Variants in KCNMA1 observed in about 807,000 individuals in gnomAD.
The protein encoded by KCNMA1 is potassium calcium-activated channel subfamily M alpha 1.
In KCNMA1, 29 loss-of-function variants were observed where a neutral mutation model predicts 140.0. The observed-to-expected ratio is 0.21, with a 90% CI of 0.15 to 0.28. The LOEUF (loss-of-function observed/expected upper bound fraction) is 0.28, where lower values mean the gene tolerates loss of function less well. KCNMA1 is among the 10% of genes least tolerant of loss of function. KCNMA1 has a pLI of 1.00. For synonymous variants in KCNMA1, 612 were observed against 611.9 expected (o/e 1.00, Z 0.00); for missense variants, 880 against 1,602.2 (o/e 0.55, Z 7.70).
chr10:77,488,613 C>G (rs1396666077), intron 1 of KCNMA1, among the ~76,000 whole-genome samples: 1 of 152,188 alleles, frequency 6.6e-6, no homozygotes, highest in South Asian at 2.1e-4. Flanking sequence ...GTGCACAGCC[C>G]TGCCCATCAT....
At chr10:77,295,142 G>A (rs1306121601) in intron 2 of KCNMA1, among the ~76,000 whole-genome samples, 1 of 151,656 alleles carries the variant, frequency 6.6e-6, no homozygotes, top group East Asian at 2.0e-4. Flanking sequence ...GAGGACAGGA[G>A]TTCAAGACCA....
intron 5 of KCNMA1, among the ~76,000 whole-genome samples, chr10:77,169,605 G>A (rs1238085457): frequency 1.3e-5 from 2 of 151,920 alleles, no homozygotes; most frequent in African/African-American, 4.8e-5. Context: ...TGTTGCCTAG[G>A]CTGGCCTCAA....
chr10:77,572,319 C>T (rs566993007), intron 1 of KCNMA1, among the ~76,000 whole-genome samples: 14 of 151,822 alleles, frequency 9.2e-5, no homozygotes, highest in Admixed American at 2.6e-4. Flanking sequence ...CAGAAGGCTT[C>T]ATAGCCATCA....
intron 1 of KCNMA1, among the ~76,000 whole-genome samples, chr10:77,526,802 T>C (rs528842491): frequency 6.6e-6 from 1 of 152,236 alleles, no homozygotes; most frequent in Admixed American, 6.5e-5. Context: ...AAAATAACAG[T>C]AGACATGGGT....
At chr10:77,335,040 A>T (rs1423401458) in intron 2 of KCNMA1, among the ~76,000 whole-genome samples, 1 of 152,052 alleles carries the variant, frequency 6.6e-6, no homozygotes. Context: ...AGACTAAAGG[A>T]TTTTCAGAGT....
intron 2 of KCNMA1, among the ~76,000 whole-genome samples, chr10:77,293,116 C>A (rs1230790447): frequency 2.0e-5 from 3 of 152,106 alleles, no homozygotes; most frequent in Admixed American, 6.5e-5. Flanking sequence ...CTCCAGAAGC[C>A]AATGTGGCCA....
chr10:77,050,602 A>T (rs1203176882), intron 14 of KCNMA1, among the ~76,000 whole-genome samples: 1 of 152,222 alleles, frequency 6.6e-6, no homozygotes. Flanking sequence ...GGCAAAATCC[A>T]GTTTCTCATG....
chr10:77,134,774 G>A (rs2097950680), intron 5 of KCNMA1, among the ~76,000 whole-genome samples: 2 of 151,870 alleles, frequency 1.3e-5, no homozygotes, highest in African/African-American at 4.8e-5. Flanking sequence ...CAAGGCAGGT[G>A]GATCACAAGA....
At chr10:77,282,770 C>G (rs1054359952) in intron 2 of KCNMA1, among the ~76,000 whole-genome samples, 1 of 140,844 alleles carries the variant, frequency 7.1e-6, no homozygotes, top group East Asian at 1.9e-4. Context: ...CTCTGTAGTC[C>G]CAGCTACTCA....
chr10:76,981,012 A>G (rs1358859783), intron 19 of KCNMA1, among the ~76,000 whole-genome samples: 1 of 152,188 alleles, frequency 6.6e-6, no homozygotes, highest in Non-Finnish European at 1.5e-5. Flanking sequence ...TGTGAAAAGC[A>G]CTTAAAAGAA....
intron 1 of KCNMA1, among the ~76,000 whole-genome samples, chr10:77,438,783 C>A (rs544447653): frequency 3.9e-5 from 6 of 152,136 alleles, no homozygotes; most frequent in Admixed American, 3.3e-4. Context: ...AAATTTCAAA[C>A]AAGGCCGAGT....
At chr10:77,322,101 T>C (rs1249855968) in intron 2 of KCNMA1, among the ~76,000 whole-genome samples, 1 of 152,218 alleles carries the variant, frequency 6.6e-6, no homozygotes, top group African/African-American at 2.4e-5. Context: ...TTGTATCTTG[T>C]GGTCTACAAT....
At chr10:77,245,800 G>C (rs1474975193) in intron 3 of KCNMA1, among the ~76,000 whole-genome samples, 1 of 152,100 alleles carries the variant, frequency 6.6e-6, no homozygotes, top group East Asian at 1.9e-4. Context: ...GACACCCCTA[G>C]GTGGTGGAAG....
intron 7 of KCNMA1, 76 bp downstream of exon 7, chr10:77,112,291 T>C: frequency 2.9e-6 from 3 of 1,035,716 alleles, no homozygotes; most frequent in Non-Finnish European, 4.6e-6. Flanking sequence ...GCAAGATAAA[T>C]TTTAGGTAAT....
chr10:77,025,279 T>TATATATATAC (rs1555137436), intron 16 of KCNMA1, among the ~76,000 whole-genome samples: 1 of 132,392 alleles, frequency 7.6e-6, no homozygotes, highest in South Asian at 2.5e-4. Context: ...TATATATATA[T>TATATATATAC]ATACACACAC....
chr10:77,381,123 C>A, intron 2 of KCNMA1, among the ~76,000 whole-genome samples: 1 of 152,108 alleles, frequency 6.6e-6, no homozygotes, highest in East Asian at 1.9e-4. Flanking sequence ...CTCATCCATT[C>A]GTTCAACAGA....
intron 9 of KCNMA1, among the ~76,000 whole-genome samples, chr10:77,096,570 A>G (rs764611472): frequency 2.6e-5 from 4 of 152,232 alleles, no homozygotes; most frequent in Non-Finnish European, 5.9e-5. Flanking sequence ...CGCTCTAGGA[A>G]GACAATGTAA....
intron 5 of KCNMA1, among the ~76,000 whole-genome samples, chr10:77,173,935 A>C (rs2154106103): frequency 6.6e-6 from 1 of 152,282 alleles, no homozygotes; most frequent in East Asian, 1.9e-4. Flanking sequence ...ATAGGAGTTC[A>C]AAGTGAGCCT....
chr10:77,344,644 T>A (rs975416805), intron 2 of KCNMA1, among the ~76,000 whole-genome samples: 1 of 152,166 alleles, frequency 6.6e-6, no homozygotes, highest in Non-Finnish European at 1.5e-5. Context: ...AACAGGATGA[T>A]CTTTGTGTAG....
Sources: gnomAD v4.1 joint callset for allele counts (sites outside exome capture counted in the v4.1 genomes callset) on GRCh38, gnomAD v4.1.1 for gene constraint, MANE v1.5 for transcripts, NCBI Gene and HGNC (gene_info 2026-07-23, HGNC 2026-07-21) for gene names.